LRP1B: variants seen among roughly 807,000 people sequenced by gnomAD.
LRP1B encodes low-density lipoprotein receptor-related protein 1B.
A neutral mutation model predicts 556.6 loss-of-function variants in LRP1B; 217 were observed. That is an observed-to-expected ratio of 0.39 (90% CI 0.35 to 0.44). The LOEUF (loss-of-function observed/expected upper bound fraction) is 0.44, where lower values mean the gene tolerates loss of function less well. LRP1B is among the 20% of genes least tolerant of loss of function. The probability of loss-of-function intolerance (pLI) is 1.00; values close to 1 mark genes in which losing one functional copy is unlikely to be tolerated. For synonymous variants in LRP1B, 2,047 were observed against 1,865.8 expected (o/e 1.10, Z -2.50); for missense variants, 5,053 against 5,620.8 (o/e 0.90, Z 3.23).
chr2:140,702,590 A>G (rs1453973198), intron 37 of LRP1B, 37 bp from the exon 38 acceptor site: 1 of 1,601,754 alleles, frequency 6.2e-7, no homozygotes, highest in Non-Finnish European at 8.5e-7. Context: ...GTTTATGTAC[A>G]TTTATTTGTA....
chr2:141,425,291 T>C (rs1389472942), intron 3 of LRP1B, among the ~76,000 whole-genome samples: 1 of 150,478 alleles, frequency 6.6e-6, no homozygotes, highest in Non-Finnish European at 1.5e-5. Flanking sequence ...GGTGTATATG[T>C]GCCACATTTT....
chr2:140,923,778 A>C (rs1234007593), intron 20 of LRP1B, among the ~76,000 whole-genome samples: 1 of 152,050 alleles, frequency 6.6e-6, no homozygotes, highest in East Asian at 1.9e-4. Context: ...CAAATTTATC[A>C]ATTAATAATT....
At chr2:140,749,378 T>C (rs1018275929) in intron 35 of LRP1B, among the ~76,000 whole-genome samples, 6 of 66,126 alleles carry the variant, frequency 9.1e-5, no homozygotes, top group African/African-American at 2.9e-4. Flanking sequence ...TTTTAAACAT[T>C]TTTTTTTTAC....
chr2:141,238,381 T>C (rs1413336344), intron 5 of LRP1B, among the ~76,000 whole-genome samples: 1 of 152,152 alleles, frequency 6.6e-6, no homozygotes, highest in Admixed American at 6.6e-5. Context: ...AACTCCTATT[T>C]ATAAAGTAAT....
At chr2:140,890,606 GATCAAAA>G (rs1693770700) in intron 23 of LRP1B, among the ~76,000 whole-genome samples, 1 of 151,896 alleles carries the variant, frequency 6.6e-6, no homozygotes, top group Non-Finnish European at 1.5e-5. Flanking sequence ...GTTTACCAAA[GATCAAAA>G]ATCAAAGTAT....
intron 5 of LRP1B, among the ~76,000 whole-genome samples, chr2:141,241,325 G>T (rs1367365018): frequency 3.3e-5 from 5 of 152,222 alleles, no homozygotes; most frequent in African/African-American, 9.6e-5. Flanking sequence ...CTGTAGTACA[G>T]AGGCTTATTC....
At chr2:141,251,064 T>A (rs390190) in intron 4 of LRP1B, among the ~76,000 whole-genome samples, 32,649 of 152,056 alleles carry the variant, frequency 0.21, 3,592 homozygotes, top group South Asian at 0.25. Flanking sequence ...GTGGAAACTC[T>A]AGGAAAAGAG....
At chr2:140,943,523 G>T (rs774630798) in intron 20 of LRP1B, among the ~76,000 whole-genome samples, 3 of 151,874 alleles carry the variant, frequency 2.0e-5, no homozygotes, top group African/African-American at 2.4e-5. Flanking sequence ...AAGCTCAGTC[G>T]CAAGTCTCAA....
intron 2 of LRP1B, among the ~76,000 whole-genome samples, chr2:141,627,554 T>G (rs924353382): frequency 6.6e-6 from 1 of 152,176 alleles, no homozygotes; most frequent in Non-Finnish European, 1.5e-5. Context: ...TAGATTCTCA[T>G]AGGAGTGCAA....
Position 140,350,658 on chromosome 2 carries a change from A to C in LRP1B, c.11892+139T>G, listed in dbSNP as rs376487703. On this transcript the variant is annotated intron_variant, in intron 77 of 90. Transcript: ENST00000389484. ...ATGAGAATGAGTAGAGAAATGCATT[A>C]TTTCTATTTAAGGAGAATATTGGGA... The C allele has an allele frequency of 1.5e-3, 1,052 of 715,944 alleles. 4 individuals carry two copies. The highest frequency in any genetic ancestry group is 2.7e-3 in the South Asian group (110 of 41,024). The allele number at this position is 715,944 out of a possible 1,614,324, so 44.3% of individuals were successfully genotyped here.
At chr2:140,661,772 T>C (rs16844410) in intron 41 of LRP1B, among the ~76,000 whole-genome samples, 8,736 of 152,280 alleles carry the variant, frequency 0.057, 486 homozygotes, top group East Asian at 0.24. Context: ...ATTAAAGTTT[T>C]AGGTTTGAAA....
At chr2:140,583,168 TTTC>T (rs1184256127) in intron 43 of LRP1B, among the ~76,000 whole-genome samples, 2,874 of 53,738 alleles carry the variant, frequency 0.053, 166 homozygotes, top group Middle Eastern at 0.082. Flanking sequence ...TCTCCTTTTT[TTTC>T]TTTTTTTTTT....
chr2:141,918,546 T>C (rs1700099188), intron 1 of LRP1B, among the ~76,000 whole-genome samples: 1 of 152,066 alleles, frequency 6.6e-6, no homozygotes, highest in Non-Finnish European at 1.5e-5. Context: ...GGGCATACTC[T>C]TTTAAAAATT....
At chr2:141,341,973 A>G (rs1305976085) in intron 3 of LRP1B, among the ~76,000 whole-genome samples, 1 of 152,202 alleles carries the variant, frequency 6.6e-6, no homozygotes, top group East Asian at 1.9e-4. Context: ...GGCCGGGCGC[A>G]GTAGCTCACA....
At chr2:140,916,358 T>A (rs1187491136) in intron 21 of LRP1B, among the ~76,000 whole-genome samples, 1 of 152,154 alleles carries the variant, frequency 6.6e-6, no homozygotes, top group African/African-American at 2.4e-5. Context: ...TATTCACTGA[T>A]ACAACAATAG....
chr2:142,017,088 A>G (rs1382664151), intron 1 of LRP1B, among the ~76,000 whole-genome samples: 2 of 151,964 alleles, frequency 1.3e-5, no homozygotes, highest in Non-Finnish European at 2.9e-5. Context: ...GGATTGTGAA[A>G]TAGAAAAAAT....
At chr2:140,748,803 T>TA (rs1210202638) in intron 35 of LRP1B, among the ~76,000 whole-genome samples, 1 of 112,902 alleles carries the variant, frequency 8.9e-6, no homozygotes, top group Non-Finnish European at 1.8e-5. Flanking sequence ...TATATACATA[T>TA]TATATACATG....
At chr2:140,788,826 GAGA>G (rs1690004059) in intron 32 of LRP1B, among the ~76,000 whole-genome samples, 1 of 152,144 alleles carries the variant, frequency 6.6e-6, no homozygotes, top group African/African-American at 2.4e-5. Context: ...AGTCTTAAAA[GAGA>G]TAATTAAGTT....
At chr2:141,718,333 A>G (rs923849600) in intron 2 of LRP1B, among the ~76,000 whole-genome samples, 5 of 152,108 alleles carry the variant, frequency 3.3e-5, no homozygotes, top group African/African-American at 7.2e-5. Flanking sequence ...AGCTTAAACC[A>G]TGTTTGTTAG....
Sources: gnomAD v4.1 joint callset for allele counts (sites outside exome capture counted in the v4.1 genomes callset) on GRCh38, gnomAD v4.1.1 for gene constraint, MANE v1.5 for transcripts, NCBI Gene and HGNC (gene_info 2026-07-23, HGNC 2026-07-21) for gene names.